The following LIPA variants were observed in gnomAD, a reference collection of about 807,000 sequenced individuals.
LIPA encodes the protein lysosomal acid lipase/cholesteryl ester hydrolase.
In LIPA, 26 loss-of-function variants were observed where a neutral mutation model predicts 40.6. That is an observed-to-expected ratio of 0.64 (90% CI 0.47 to 0.89). The LOEUF (loss-of-function observed/expected upper bound fraction) is 0.89, where lower values mean the gene tolerates loss of function less well. LIPA is among the 40% of genes least tolerant of loss of function. The pLI is 0.00. For missense variants in LIPA, 455 were observed against 479.6 expected (o/e 0.95, Z 0.48); for synonymous variants, 188 against 168.4 (o/e 1.12, Z -0.90).
chr10:89,359,798 A>ATCTC (rs749027896), intron 2 of LIPA, among the ~76,000 whole-genome samples: 31 of 142,280 alleles, frequency 2.2e-4, no homozygotes, highest in Middle Eastern at 3.6e-3. Flanking sequence ...CTCTCTATCT[A>ATCTC]TCTCTCTCTC....
At chr10:89,384,616 C>T (rs771018772) in intron 2 of LIPA, 9 of 1,614,032 alleles carry the variant, frequency 5.6e-6, no homozygotes, top group South Asian at 4.4e-5. Context: ...CCAGAATGTA[C>T]GGGTTGTGGA....
At chr10:89,409,255 G>A (rs761179709) in intron 2 of LIPA, among the ~76,000 whole-genome samples, 14 of 152,104 alleles carry the variant, frequency 9.2e-5, no homozygotes, top group Admixed American at 2.6e-4. Context: ...TCTATAATAG[G>A]GACCAAGAGG....
chr10:89,311,093 G>T (rs1203462030), intron 1 of LIPA, among the ~76,000 whole-genome samples: 1 of 152,146 alleles, frequency 6.6e-6, no homozygotes, highest in Non-Finnish European at 1.5e-5. Context: ...CCAAGTAAAT[G>T]AGCCTATTTA....
intron 3 of LIPA, among the ~76,000 whole-genome samples, chr10:89,234,980 G>T (rs1391176828): frequency 2.0e-5 from 3 of 152,232 alleles, no homozygotes; most frequent in African/African-American, 7.2e-5. Context: ...AGTCTAACCA[G>T]GTGTGTCTGA....
chr10:89,354,977 T>C (rs1843981711), intron 2 of LIPA, among the ~76,000 whole-genome samples: 1 of 152,170 alleles, frequency 6.6e-6, no homozygotes. Context: ...GAATTGCTTC[T>C]GGATGGGGCC....
intron 1 of LIPA, among the ~76,000 whole-genome samples, chr10:89,310,750 G>C (rs540421222): frequency 6.6e-6 from 1 of 152,274 alleles, no homozygotes; most frequent in South Asian, 2.1e-4. Flanking sequence ...GGCAGGATTT[G>C]TTGGAAGCCT....
At chr10:89,278,506 G>C (rs1346173807) in intron 1 of LIPA, 1 of 152,226 alleles carries the variant, frequency 6.6e-6, no homozygotes, top group East Asian at 1.9e-4. Context: ...ATAAACATCT[G>C]TGATAGGAAG....
intron 2 of LIPA, among the ~76,000 whole-genome samples, chr10:89,401,645 A>G (rs1844425312): frequency 6.6e-6 from 1 of 152,164 alleles, no homozygotes; most frequent in Non-Finnish European, 1.5e-5. Flanking sequence ...TGTTGTACCA[A>G]TGTCAATTTT....
intron 1 of LIPA, among the ~76,000 whole-genome samples, chr10:89,258,706 T>C (rs1843192955): frequency 6.6e-6 from 1 of 152,160 alleles, no homozygotes; most frequent in Admixed American, 6.5e-5. Context: ...TTCAAGTATA[T>C]ACCCAGTAGA....
chr10:89,378,024 T>C, intron 2 of LIPA: 1 of 1,129,620 alleles, frequency 8.9e-7, no homozygotes, highest in East Asian at 2.4e-5. Flanking sequence ...ATACCTCCCA[T>C]ATATAAGCAC....
At chr10:89,389,088 A>G (rs1178850012) in intron 2 of LIPA, among the ~76,000 whole-genome samples, 1 of 152,258 alleles carries the variant, frequency 6.6e-6, no homozygotes, top group Non-Finnish European at 1.5e-5. Flanking sequence ...AAAATAGGCT[A>G]TAGCTAAAAA....
chr10:89,275,318 G>A (rs376496520), intron 1 of LIPA, among the ~76,000 whole-genome samples: 11 of 152,318 alleles, frequency 7.2e-5, no homozygotes, highest in Admixed American at 5.2e-4. Flanking sequence ...CAGCATCTCT[G>A]AATCCTGGGC....
intron 3 of LIPA, among the ~76,000 whole-genome samples, chr10:89,232,298 G>A (rs1274712904): frequency 1.3e-5 from 2 of 152,154 alleles, no homozygotes; most frequent in Non-Finnish European, 2.9e-5. Context: ...GGTATGTTGA[G>A]GCACTTTTCA....
At chr10:89,362,641 C>A in intron 2 of LIPA, 1 of 462,830 alleles carries the variant, frequency 2.2e-6, no homozygotes, top group Non-Finnish European at 3.7e-6. Flanking sequence ...GGCAGACTGG[C>A]AGAAGCCCAG....
At chr10:89,329,385 T>C (rs1328919632) in intron 1 of LIPA, among the ~76,000 whole-genome samples, 1 of 152,176 alleles carries the variant, frequency 6.6e-6, no homozygotes, top group Non-Finnish European at 1.5e-5. Flanking sequence ...GCAAGGCGTC[T>C]TAGTAGCCAG....
At position 89,339,921 on chromosome 10, in the gene LIPA, A is replaced by T. The variant is rs759409878; in HGVS notation, c.-2+2690T>A. 6 of 1,614,222 alleles carry T rather than the reference A, an allele frequency of 3.7e-6. No homozygotes were observed. In the East Asian group the frequency reaches 1.3e-4, roughly 36 times the overall value. ...CACCAAATTATTGGTATCTTCAAGG[A>T]TTAATTCATAAGCAGAATGGAGATC... On this transcript the variant is annotated intron_variant, in intron 1 of 5. Coordinates refer to the LIPA transcript ENST00000282673.
rs549085239 is a variant in LIPA, at chr10:89,377,160, C to A, written c.61+35631G>T. Among the ~76,000 whole-genome samples the A allele has an allele frequency of 2.6e-5, 4 of 152,238 alleles. No homozygotes were observed. In the South Asian group the frequency reaches 6.2e-4, roughly 24 times the overall value. Reference sequence around the variant, plus strand: ...CTAATTGTGTGGGCAATTACATCAGCCTTGGGATCATATAAATTTTTCATT... The same window carrying A: ...CTAATTGTGTGGGCAATTACATCAGACTTGGGATCATATAAATTTTTCATT... On this transcript the variant is annotated intron_variant, in intron 2 of 8. Coordinates refer to the LIPA transcript ENST00000371837.
chr10:89,306,554 C>A, intron 1 of LIPA: 2 of 1,614,108 alleles, frequency 1.2e-6, no homozygotes, highest in Non-Finnish European at 1.7e-6. Context: ...CCCTCTGAGG[C>A]AAGCCATTCG....
At chr10:89,315,890 G>A (rs934693431) in intron 1 of LIPA, among the ~76,000 whole-genome samples, 1 of 152,036 alleles carries the variant, frequency 6.6e-6, no homozygotes, top group Admixed American at 6.6e-5. Context: ...ATTTACTTCT[G>A]GGGGACAATT....
Sources: allele counts gnomAD v4.1 joint callset (sites outside exome capture counted in the v4.1 genomes callset), GRCh38; gene constraint gnomAD v4.1.1; transcripts MANE v1.5; gene names NCBI Gene and HGNC (gene_info 2026-07-23, HGNC 2026-07-21).